WDFY3: variants seen among roughly 807,000 people sequenced by gnomAD.
WDFY3 encodes the protein WD repeat and FYVE domain containing 3.
Under a neutral mutation model 409.6 loss-of-function variants are expected in WDFY3, and 66 were observed. The ratio of observed to expected loss-of-function variants is 0.16; its 90% CI spans 0.13 to 0.20. WDFY3 has a LOEUF of 0.20. WDFY3 is among the 10% of genes least tolerant of loss of function. WDFY3 has a pLI of 1.00. For missense variants in WDFY3, 3,031 were observed against 4,298.1 expected (o/e 0.71, Z 8.24); for synonymous variants, 1,521 against 1,537.1 (o/e 0.99, Z 0.25).
chr4:84,920,794 C>G (rs1579131695), intron 2 of WDFY3, among the ~76,000 whole-genome samples: 3 of 152,270 alleles, frequency 2.0e-5, no homozygotes, highest in African/African-American at 4.8e-5. Context: ...ATAACTCCCA[C>G]AACCCAAAGG....
chr4:84,847,620 A>G (rs909825451), intron 5 of WDFY3, among the ~76,000 whole-genome samples: 27 of 149,230 alleles, frequency 1.8e-4, no homozygotes, highest in Admixed American at 9.3e-4. Flanking sequence ...AAAAAAAAAA[A>G]AAAATTAGCC....
chr4:84,915,133 A>G (rs1373512828), intron 2 of WDFY3, among the ~76,000 whole-genome samples: 1 of 152,208 alleles, frequency 6.6e-6, no homozygotes, highest in African/African-American at 2.4e-5. Context: ...GCAAATTCAT[A>G]GAGACAGAAA....
intron 32 of WDFY3, among the ~76,000 whole-genome samples, chr4:84,758,313 C>T (rs1029792295): frequency 3.3e-5 from 5 of 152,158 alleles, no homozygotes; most frequent in East Asian, 3.9e-4. Context: ...GTGGCATGAT[C>T]GTAGCTCACT....
chr4:84,841,129 T>C (rs1757294996), intron 6 of WDFY3, 25 bp downstream of exon 6: 1 of 1,560,374 alleles, frequency 6.4e-7, no homozygotes, highest in Non-Finnish European at 8.7e-7. Context: ...CGCTGAGTTA[T>C]CAAACATGAA....
At chr4:84,818,459 T>C (rs189176891) in intron 12 of WDFY3, among the ~76,000 whole-genome samples, 5 of 152,326 alleles carry the variant, frequency 3.3e-5, no homozygotes, top group Non-Finnish European at 5.9e-5. Flanking sequence ...CCATGACTAC[T>C]GGATTTTCTC....
chr4:84,948,997 A>C (rs906980321), intron 1 of WDFY3, among the ~76,000 whole-genome samples: 2 of 152,154 alleles, frequency 1.3e-5, no homozygotes, highest in Non-Finnish European at 2.9e-5. Flanking sequence ...TGACTGAATT[A>C]TTCTCTGGCT....
At chr4:84,826,168 T>C (rs942531312) in intron 10 of WDFY3, among the ~76,000 whole-genome samples, 5 of 151,122 alleles carry the variant, frequency 3.3e-5, no homozygotes. Context: ...TGGAAAGTAT[T>C]AAAGAAAAAA....
At chr4:84,826,473 G>C (rs1172551485) in intron 10 of WDFY3, among the ~76,000 whole-genome samples, 1 of 152,120 alleles carries the variant, frequency 6.6e-6, no homozygotes, top group Non-Finnish European at 1.5e-5. Flanking sequence ...CAGAGATTAG[G>C]CTGAAAATTG....
At chr4:84,766,191 C>G in intron 31 of WDFY3, 61 bp downstream of exon 31, 1 of 1,523,742 alleles carries the variant, frequency 6.6e-7, no homozygotes, top group East Asian at 2.3e-5. Flanking sequence ...CTTCTTTTGC[C>G]TAACATGAAT....
intron 4 of WDFY3, among the ~76,000 whole-genome samples, chr4:84,857,315 AAT>A (rs1020336326): frequency 6.6e-6 from 1 of 152,186 alleles, no homozygotes; most frequent in Non-Finnish European, 1.5e-5. Context: ...TAAAAAAACA[AAT>A]AGTCATGAGA....
chr4:84,718,777 C>T (rs574347937), intron 47 of WDFY3, among the ~76,000 whole-genome samples: 1 of 152,258 alleles, frequency 6.6e-6, no homozygotes, highest in African/African-American at 2.4e-5. Flanking sequence ...TCTGCCAATC[C>T]CATCTCTCTC....
chr4:84,799,885 C>T (rs1223549996), intron 17 of WDFY3, among the ~76,000 whole-genome samples: 2 of 152,110 alleles, frequency 1.3e-5, no homozygotes, highest in African/African-American at 4.8e-5. Flanking sequence ...GAAAACTGAC[C>T]ATACCCAATG....
At chr4:84,770,891 AAATAAAT>A (rs1484794772) in intron 30 of WDFY3, among the ~76,000 whole-genome samples, 3 of 152,200 alleles carry the variant, frequency 2.0e-5, no homozygotes, top group Non-Finnish European at 4.4e-5. Context: ...AGTGCATATC[AAATAAAT>A]AATAAATGTC....
intron 3 of WDFY3, among the ~76,000 whole-genome samples, chr4:84,872,237 T>C (rs559604430): frequency 1.3e-5 from 2 of 151,880 alleles, no homozygotes; most frequent in African/African-American, 2.4e-5. Flanking sequence ...GAGGCCGAGG[T>C]GGGCAGATCA....
chr4:84,789,825 C>T lies in WDFY3; in HGVS notation c.3570G>A (p.Glu1190=). The T allele has an allele frequency of 1.2e-6, 2 of 1,614,092 alleles. No individual in the cohort carries two copies. The highest frequency in any genetic ancestry group is 1.7e-6 in the Non-Finnish European group (2 of 1,180,026). Residue 1190 remains glutamate (E), a synonymous_variant, in exon 22 of 68, where the codon GAG becomes GAA. Transcript: ENST00000295888. ...CCAGGACCAAATGATGCCACTGTCC[C>T]TCAATGATAAGCTCTCCACATCGAA... ...ARFRCGELII[E]GQWHHLVLVM... is the part of the protein sequence containing the mutation.
At chr4:84,727,285 C>A (rs113216935) in intron 44 of WDFY3, among the ~76,000 whole-genome samples, 1 of 151,988 alleles carries the variant, frequency 6.6e-6, no homozygotes. Flanking sequence ...ATAATAGAAC[C>A]TAATGCTAGC....
chr4:84,844,458 G>A (rs1287995844), intron 5 of WDFY3: 1 of 1,289,390 alleles, frequency 7.8e-7, no homozygotes, highest in Non-Finnish European at 1.0e-6. Context: ...GAAATTACCT[G>A]AAGGTGTTGT....
intron 1 of WDFY3, among the ~76,000 whole-genome samples, chr4:84,950,484 T>C (rs987318278): frequency 5.9e-5 from 9 of 151,850 alleles, no homozygotes; most frequent in African/African-American, 1.7e-4. Flanking sequence ...AAAGAAGTAA[T>C]AGCATCTCAT....
At chr4:84,847,757 G>C (rs1414306225) in intron 5 of WDFY3, among the ~76,000 whole-genome samples, 1 of 110,400 alleles carries the variant, frequency 9.1e-6, no homozygotes, top group Non-Finnish European at 1.7e-5. Flanking sequence ...ATGGGGGCCA[G>C]AGTAAGACTC....
Sources: gnomAD v4.1 joint callset for allele counts (sites outside exome capture counted in the v4.1 genomes callset) on GRCh38, gnomAD v4.1.1 for gene constraint, MANE v1.5 for transcripts, NCBI Gene and HGNC (gene_info 2026-07-23, HGNC 2026-07-21) for gene names.